RBFOX1: variants seen among roughly 807,000 people sequenced by gnomAD.
The protein encoded by RBFOX1 is RNA binding protein fox-1 homolog 1.
A neutral mutation model predicts 57.7 loss-of-function variants in RBFOX1; 8 were observed. That is an observed-to-expected ratio of 0.14 (90% CI 0.08 to 0.25). RBFOX1 has a LOEUF of 0.25. RBFOX1 is among the 10% of genes least tolerant of loss of function. The pLI, the probability that RBFOX1 is intolerant of heterozygous loss-of-function variation, is 1.00. For synonymous variants in RBFOX1, 326 were observed against 222.4 expected, an observed-to-expected ratio of 1.47 and a Z score of -4.15; for missense variants, 611 against 548.5, an observed-to-expected ratio of 1.11 and a Z score of -1.14.
At chr16:7,557,481 A>G (rs1351837093) in intron 5 of RBFOX1, among the ~76,000 whole-genome samples, 2 of 151,786 alleles carry the variant, frequency 1.3e-5, no homozygotes, top group East Asian at 3.9e-4. Flanking sequence ...TTAGCCAGGC[A>G]TGGTGGTGGG....
rs77441240 is a variant in RBFOX1, at chr16:6,423,308, C to T, written c.-64+106251C>T. On this transcript the variant is annotated intron_variant, in intron 2 of 15. Coordinates refer to ENST00000550418, the MANE Select transcript of RBFOX1 (RefSeq NM_018723.4). Reference sequence around the variant, plus strand: ...CTTGCCATGATCCCTGTAGGAGGCACGTCTTCCTGACCAGGCGTGGTGGCT... The same window carrying T: ...CTTGCCATGATCCCTGTAGGAGGCATGTCTTCCTGACCAGGCGTGGTGGCT... 8.5e-3 allele frequency among the ~76,000 whole-genome samples: 1,292 copies of T among 152,250 alleles called. 44 individuals carry two copies. In the East Asian group the frequency reaches 0.13, roughly 15 times the overall value.
intron 3 of RBFOX1, among the ~76,000 whole-genome samples, chr16:6,732,999 G>C: frequency 6.6e-6 from 1 of 152,032 alleles, no homozygotes; most frequent in Non-Finnish European, 1.5e-5. Flanking sequence ...TTCTTTATTG[G>C]CATTTTTTAA....
intron 3 of RBFOX1, among the ~76,000 whole-genome samples, chr16:6,824,714 G>C (rs957036250): frequency 6.6e-6 from 1 of 151,918 alleles, no homozygotes; most frequent in African/African-American, 2.4e-5. Context: ...TATACTCTCT[G>C]TTTTACTTTT....
intron 4 of RBFOX1, among the ~76,000 whole-genome samples, chr16:7,309,732 A>G (rs1156830107): frequency 6.6e-6 from 1 of 152,186 alleles, no homozygotes; most frequent in Non-Finnish European, 1.5e-5. Context: ...TGTCAGGCAA[A>G]TAATAGTCCT....
chr16:7,378,293 A>G (rs554991351), intron 4 of RBFOX1, among the ~76,000 whole-genome samples: 23 of 152,240 alleles, frequency 1.5e-4, no homozygotes, highest in Middle Eastern at 3.4e-3. Flanking sequence ...GGCAAGGGAA[A>G]CGTAGTGGTG....
At position 6,993,720 on chromosome 16, in the gene RBFOX1, G is replaced by A. The variant is rs544946861; in HGVS notation, c.-15-58337G>A. On this transcript the variant is annotated intron_variant, in intron 3 of 15. Coordinates refer to ENST00000550418, the MANE Select transcript of RBFOX1 (RefSeq NM_018723.4). ...TGTTTCTCCCTCCAATCCAATTTGCGTGTGTTTGGCAGCAGCCCAGCTCCA... is the reference window on the plus strand; with the variant it reads ...TGTTTCTCCCTCCAATCCAATTTGCATGTGTTTGGCAGCAGCCCAGCTCCA... Among the ~76,000 whole-genome samples the A allele has an allele frequency of 5.3e-5, 8 of 152,202 alleles. No homozygotes were observed. In the South Asian group the frequency reaches 8.3e-4, roughly 16 times the overall value.
chr16:6,651,190 C>G lies in RBFOX1; in HGVS notation c.-63-3413C>G, dbSNP rs948981635. On this transcript the variant is annotated intron_variant, in intron 2 of 15. Coordinates refer to ENST00000550418, the MANE Select transcript of RBFOX1 (RefSeq NM_018723.4). ...GTGCTGGGATTGCAGGCGTGAGCCA[C>G]CACACCCGGCCTGGAACCCCTAATG... Among the ~76,000 whole-genome samples the G allele has an allele frequency of 4.6e-5, 7 of 152,286 alleles. No homozygotes were observed. In the East Asian group the frequency reaches 1.4e-3, roughly 30 times the overall value.
At chr16:6,209,021 C>T (rs2097274315) in intron 1 of RBFOX1, among the ~76,000 whole-genome samples, 1 of 152,238 alleles carries the variant, frequency 6.6e-6, no homozygotes, top group African/African-American at 2.4e-5. Flanking sequence ...ATCTTACAAC[C>T]TTGAAGGATA....
intron 3 of RBFOX1, among the ~76,000 whole-genome samples, chr16:6,983,118 A>C (rs1261968722): frequency 6.6e-6 from 1 of 151,832 alleles, no homozygotes; most frequent in Non-Finnish European, 1.5e-5. Flanking sequence ...TTTTCCAGAT[A>C]CCAAAACTCT....
intron 4 of RBFOX1, among the ~76,000 whole-genome samples, chr16:7,217,947 T>TGCATGTGTGTGC (rs1567753422): frequency 1.3e-5 from 2 of 149,874 alleles, no homozygotes; most frequent in African/African-American, 4.9e-5. Context: ...CATGTGTGTG[T>TGCATGTGTGTGC]GTGTGCACAT....
Position 7,692,265 on chromosome 16 carries a change from G to A in RBFOX1, c.995+15427G>A, listed in dbSNP as rs1247100366. 2.0e-5 allele frequency among the ~76,000 whole-genome samples: 3 copies of A among 152,206 alleles called. No homozygotes were observed. The South Asian group carries it at 6.2e-4, about 32-fold the overall frequency. On this transcript the variant is annotated intron_variant, in intron 14 of 15. Transcript: ENST00000550418. The stretch of plus-strand genomic sequence containing the variant: ...TATAACTTGTTTATATTTTATTGGT[G>A]TAGAAATGACTAGAATTTAACTGAA...
chr16:7,414,119 A>C (rs1394805453), intron 4 of RBFOX1, among the ~76,000 whole-genome samples: 1 of 152,204 alleles, frequency 6.6e-6, no homozygotes, highest in African/African-American at 2.4e-5. Context: ...ATCCCAATTC[A>C]AGGGGTCTAC....
chr16:6,964,299 A>T (rs1039672821), intron 3 of RBFOX1, among the ~76,000 whole-genome samples: 1 of 152,192 alleles, frequency 6.6e-6, no homozygotes, highest in African/African-American at 2.4e-5. Flanking sequence ...GATTATAGGC[A>T]TGAGCTGTTG....
At chr16:6,774,403 C>T (rs575364375) in intron 3 of RBFOX1, among the ~76,000 whole-genome samples, 1 of 152,148 alleles carries the variant, frequency 6.6e-6, no homozygotes, top group Non-Finnish European at 1.5e-5. Context: ...GTTATGATCA[C>T]AATTTCTAAA....
chr16:6,369,433 T>C lies in RBFOX1; in HGVS notation c.-64+52376T>C, dbSNP rs140924017. On this transcript the variant is annotated intron_variant, in intron 2 of 15. Coordinates refer to ENST00000550418, the MANE Select transcript of RBFOX1 (RefSeq NM_018723.4). Reference sequence around the variant, plus strand: ...TGTTTGAGAACGTTTGTCTTAGACATAGCATCTCTACCCAACAGTGCAACC... The same window carrying C: ...TGTTTGAGAACGTTTGTCTTAGACACAGCATCTCTACCCAACAGTGCAACC... 9.0e-3 allele frequency among the ~76,000 whole-genome samples: 1,364 copies of C among 152,302 alleles called. 22 individuals are homozygous for C. The highest frequency in any genetic ancestry group is 0.029 in the African/African-American group (1,215 of 41,564).
intron 4 of RBFOX1, among the ~76,000 whole-genome samples, chr16:7,261,533 G>T (rs1036108162): frequency 2.6e-5 from 4 of 152,128 alleles, no homozygotes; most frequent in Admixed American, 1.3e-4. Context: ...ATAACTAACG[G>T]CAGTAACTTT....
Position 6,807,657 on chromosome 16 carries a change from A to G in RBFOX1, c.-16+153007A>G, listed in dbSNP as rs114951064. ...ATGGTGAAAGCCCATCTCCACTAAAAATAAAAAATTTGGCTGGGCATGGTG... is the reference window on the plus strand; with the variant it reads ...ATGGTGAAAGCCCATCTCCACTAAAGATAAAAAATTTGGCTGGGCATGGTG... On this transcript the variant is annotated intron_variant, in intron 3 of 15. Transcript: ENST00000550418. Among the ~76,000 whole-genome samples, 208 of 152,154 alleles carry G rather than the reference A, an allele frequency of 1.4e-3. 2 individuals are homozygous for G. The highest frequency in any genetic ancestry group is 4.3e-3 in the African/African-American group (179 of 41,528).
chr16:7,004,533 C>G (rs569471739), intron 3 of RBFOX1, among the ~76,000 whole-genome samples: 2 of 152,310 alleles, frequency 1.3e-5, no homozygotes, highest in East Asian at 1.9e-4. Context: ...GAGAGACCAT[C>G]TCTTTGTCAT....
intron 4 of RBFOX1, among the ~76,000 whole-genome samples, chr16:7,070,831 C>G (rs367762845): frequency 1.3e-5 from 2 of 152,164 alleles, no homozygotes; most frequent in Non-Finnish European, 2.9e-5. Flanking sequence ...AAACTGGAAC[C>G]TAACTGCACA....
Sources: allele counts gnomAD v4.1 joint callset (sites outside exome capture counted in the v4.1 genomes callset), GRCh38; gene constraint gnomAD v4.1.1; transcripts MANE v1.5; gene names NCBI Gene and HGNC (gene_info 2026-07-23, HGNC 2026-07-21).